The following ARHGEF37 variants were observed in gnomAD, a reference collection of about 807,000 sequenced individuals.
ARHGEF37 encodes the protein Rho guanine nucleotide exchange factor 37.
In ARHGEF37, 55 loss-of-function variants were observed where a neutral mutation model predicts 71.1. The observed-to-expected ratio is 0.77, with a 90% CI of 0.62 to 0.97. The LOEUF is 0.97. ARHGEF37 is among the 50% of genes least tolerant of loss of function. ARHGEF37 has a pLI of 0.00. For missense variants in ARHGEF37, 765 were observed against 836.8 expected, an observed-to-expected ratio of 0.91 and a Z score of 1.06; for synonymous variants, 327 against 350.6, an observed-to-expected ratio of 0.93 and a Z score of 0.75.
intron 1 of ARHGEF37, among the ~76,000 whole-genome samples, chr5:149,585,377 G>A (rs1392168232): frequency 6.6e-6 from 1 of 152,200 alleles, no homozygotes; most frequent in Admixed American, 6.5e-5. Context: ...GAGACAAATT[G>A]TGGTATATCC....
At chr5:149,591,026 G>A (rs551664895) in intron 1 of ARHGEF37, among the ~76,000 whole-genome samples, 1 of 152,106 alleles carries the variant, frequency 6.6e-6, no homozygotes, top group South Asian at 2.1e-4. Context: ...TAACCACTGG[G>A]GAAACATGAG....
chr5:149,589,468 C>T (rs1276250457), intron 1 of ARHGEF37, among the ~76,000 whole-genome samples: 1 of 152,070 alleles, frequency 6.6e-6, no homozygotes, highest in Non-Finnish European at 1.5e-5. Context: ...GCTGGGACTA[C>T]AGGCATGCAC....
Position 149,616,573 on chromosome 5 carries a change from A to G in ARHGEF37, c.465A>G (p.Gln155=), listed in dbSNP as rs776036697. 1 of 1,607,206 alleles carries G rather than the reference A, an allele frequency of 6.2e-7. No individual in the cohort carries two copies. The highest frequency in any genetic ancestry group is 1.7e-5 in the Admixed American group (1 of 59,866). ...IQGIVEAVVP[Q]AGSSGLSFLL... ...TACCAGCCTTCTCCCTCAGGCCGCA[A>G]GCTGGATCTTCAGGCCTCAGTTTCT... Residue 155 remains glutamine, a synonymous_variant, in exon 5 of 13, where the codon CAA becomes CAG. Transcript: ENST00000333677.
intron 1 of ARHGEF37, among the ~76,000 whole-genome samples, chr5:149,582,381 G>A (rs1174937967): frequency 6.6e-6 from 1 of 152,224 alleles, no homozygotes; most frequent in Non-Finnish European, 1.5e-5. Context: ...CCTTTGAAGG[G>A]AGGCAGCTGG....
chr5:149,560,306 G>A (rs1762812397), intron 1 of ARHGEF37, among the ~76,000 whole-genome samples: 1 of 152,086 alleles, frequency 6.6e-6, no homozygotes, highest in Non-Finnish European at 1.5e-5. Context: ...GTAGAGACGA[G>A]GTTCTCCATG....
chr5:149,603,293 G>A (rs1763815542), intron 3 of ARHGEF37, among the ~76,000 whole-genome samples: 1 of 152,144 alleles, frequency 6.6e-6, no homozygotes, highest in African/African-American at 2.4e-5. Context: ...GCTAAGCACT[G>A]TTCTTATGTA....
intron 1 of ARHGEF37, among the ~76,000 whole-genome samples, chr5:149,562,441 T>TTTTA (rs536945507): frequency 9.9e-5 from 15 of 151,722 alleles, no homozygotes; most frequent in East Asian, 1.9e-4. Context: ...TTTTTATTAT[T>TTTTA]TTTATTTATT....
intron 5 of ARHGEF37, 98 bp downstream of exon 5, chr5:149,616,864 G>A: frequency 1.6e-6 from 2 of 1,250,352 alleles, no homozygotes; most frequent in Non-Finnish European, 1.1e-6. Flanking sequence ...AGAATGTAGT[G>A]GCTTATGTAA....
chr5:149,608,406 T>C (rs1164781718), intron 3 of ARHGEF37, among the ~76,000 whole-genome samples: 1 of 151,820 alleles, frequency 6.6e-6, no homozygotes, highest in Non-Finnish European at 1.5e-5. Context: ...TGTCTTGCTC[T>C]GTTGTGCAGG....
At chr5:149,608,625 C>A (rs1763983172) in intron 3 of ARHGEF37, among the ~76,000 whole-genome samples, 1 of 151,920 alleles carries the variant, frequency 6.6e-6, no homozygotes, top group Non-Finnish European at 1.5e-5. Context: ...CCCGTCTTGG[C>A]CTGCAAAGTG....
At chr5:149,596,373 C>T (rs112618028) in intron 1 of ARHGEF37, among the ~76,000 whole-genome samples, 144 of 152,248 alleles carry the variant, frequency 9.5e-4, no homozygotes, top group African/African-American at 3.3e-3. Context: ...GGCACAATCT[C>T]GGCTCACTGC....
At chr5:149,574,472 C>T (rs1206641594) in intron 1 of ARHGEF37, among the ~76,000 whole-genome samples, 1 of 152,172 alleles carries the variant, frequency 6.6e-6, no homozygotes, top group Non-Finnish European at 1.5e-5. Flanking sequence ...TATTCTTTGC[C>T]GGCTCCCCTT....
chr5:149,570,216 A>G (rs775307038), intron 1 of ARHGEF37, among the ~76,000 whole-genome samples: 6 of 152,220 alleles, frequency 3.9e-5, no homozygotes, highest in Non-Finnish European at 2.9e-5. Context: ...TACAAGGTCA[A>G]TATATCTAAA....
chr5:149,595,264 C>T (rs1182969406), intron 1 of ARHGEF37, among the ~76,000 whole-genome samples: 2 of 152,174 alleles, frequency 1.3e-5, no homozygotes, highest in Non-Finnish European at 2.9e-5. Context: ...CAACTTCTAC[C>T]TCCTGGGCTC....
intron 1 of ARHGEF37, among the ~76,000 whole-genome samples, chr5:149,570,511 G>A (rs1762950106): frequency 1.3e-5 from 2 of 150,768 alleles, no homozygotes; most frequent in African/African-American, 4.9e-5. Flanking sequence ...AGGAGGCGGA[G>A]GTTGCAGTGA....
In ARHGEF37 at chr5:149,621,933, A is replaced by G. The variant is rs1268964107; in HGVS notation, c.1206A>G (p.Leu402=). 3.1e-6 allele frequency: 5 copies of G among 1,614,144 alleles called. No individual in the cohort carries two copies. The highest frequency in any genetic ancestry group is 3.4e-6 in the Non-Finnish European group (4 of 1,180,048). Residue 402 remains leucine (L), a synonymous_variant, in exon 9 of 13, where the codon CTA becomes CTG. Transcript: ENST00000333677. ...CATACCAGGCACTCAACTCGCTGCT[A>G]GTGGCTGAGCTCCCACAGTTTAACC... ...RHTYQALNSL[L]VAELPQFNQL...
At chr5:149,615,451 C>T (rs1034417930) in intron 4 of ARHGEF37, among the ~76,000 whole-genome samples, 1 of 151,772 alleles carries the variant, frequency 6.6e-6, no homozygotes, top group East Asian at 1.9e-4. Flanking sequence ...AGATACATAC[C>T]CACCACCTAA....
chr5:149,564,941 T>C (rs1310467401), intron 1 of ARHGEF37, among the ~76,000 whole-genome samples: 1 of 152,226 alleles, frequency 6.6e-6, no homozygotes, highest in Non-Finnish European at 1.5e-5. Flanking sequence ...GCTGCCATCT[T>C]GAGGATATGA....
Position 149,632,654 on chromosome 5 carries a change from A to G in ARHGEF37, c.*463A>G, listed in dbSNP as rs76859006. 5.7e-3 allele frequency: 960 copies of G among 167,178 alleles called. 10 individuals carry two copies. Among genetic ancestry groups the G allele is most frequent in the African/African-American group, 0.021 (871 of 42,320 alleles). 10.4% of individuals were successfully genotyped at this position (167,178 alleles called of 1,614,324 possible). A position where few individuals can be genotyped will look rare whatever the true frequency, so the allele number is the denominator to read the frequency against. ...CACTTCCTACACATGGTATCAGGAG[A>G]CATCATAACCAATGAGTCAGCTTTT... On this transcript the variant is annotated 3_prime_UTR_variant, in exon 13 of 13. Coordinates refer to ENST00000333677, the MANE Select transcript of ARHGEF37 (RefSeq NM_001001669.3).
Sources: gnomAD v4.1 joint callset for allele counts (sites outside exome capture counted in the v4.1 genomes callset) on GRCh38, gnomAD v4.1.1 for gene constraint, MANE v1.5 for transcripts, NCBI Gene and HGNC (gene_info 2026-07-23, HGNC 2026-07-21) for gene names.